Variants in NDUFAF2 observed in about 807,000 individuals in gnomAD.
NDUFAF2 encodes NADH:ubiquinone oxidoreductase complex assembly factor 2, also known as NADH dehydrogenase [ubiquinone] 1 alpha subcomplex assembly factor 2.
NDUFAF2 carries 13 observed loss-of-function variants against 22.8 expected under a neutral mutation model. That is an observed-to-expected ratio of 0.57 (90% CI 0.37 to 0.91). The LOEUF (loss-of-function observed/expected upper bound fraction) is 0.91, where lower values mean the gene tolerates loss of function less well. Among genes scored for constraint, NDUFAF2 ranks in the 40% least tolerant of loss-of-function variants. The pLI, the probability that NDUFAF2 is intolerant of heterozygous loss-of-function variation, is 0.01. For synonymous variants in NDUFAF2, 53 were observed against 64.2 expected, an observed-to-expected ratio of 0.83 and a Z score of 0.84; for missense variants, 162 against 195.2, an observed-to-expected ratio of 0.83 and a Z score of 1.01.
intron 1 of NDUFAF2, among the ~76,000 whole-genome samples, chr5:61,017,732 C>G (rs1195170585): frequency 1.3e-5 from 2 of 151,532 alleles, no homozygotes; most frequent in African/African-American, 4.8e-5. Flanking sequence ...AGGGGAGACC[C>G]TGTCTCTTTG....
At chr5:61,064,723 A>T (rs1262307312) in intron 1 of NDUFAF2, among the ~76,000 whole-genome samples, 1 of 152,136 alleles carries the variant, frequency 6.6e-6, no homozygotes, top group African/African-American at 2.4e-5. Flanking sequence ...CATGGGATGC[A>T]GCAAACGCAT....
At chr5:61,088,512 G>T (rs186720426) in intron 2 of NDUFAF2, among the ~76,000 whole-genome samples, 1 of 152,080 alleles carries the variant, frequency 6.6e-6, no homozygotes, top group Non-Finnish European at 1.5e-5. Context: ...TCTGTCTGTT[G>T]ATTGTGGTGC....
intron 1 of NDUFAF2, among the ~76,000 whole-genome samples, chr5:60,984,176 G>T (rs1751033861): frequency 6.6e-6 from 1 of 152,178 alleles, no homozygotes; most frequent in Non-Finnish European, 1.5e-5. Context: ...GTGAATGGGA[G>T]TTCATTCATG....
intron 1 of NDUFAF2, among the ~76,000 whole-genome samples, chr5:60,949,372 T>G: frequency 6.6e-6 from 1 of 152,226 alleles, no homozygotes; most frequent in East Asian, 1.9e-4. Flanking sequence ...CGTATATCAG[T>G]AGTTTGCTCC....
At chr5:61,136,807 T>C (rs1740968905) in intron 3 of NDUFAF2, among the ~76,000 whole-genome samples, 1 of 152,186 alleles carries the variant, frequency 6.6e-6, no homozygotes, top group South Asian at 2.1e-4. Flanking sequence ...AGTTGTTCCA[T>C]TGAAGAGCAA....
At chr5:60,961,468 G>C (rs973110152) in intron 1 of NDUFAF2, among the ~76,000 whole-genome samples, 1 of 151,930 alleles carries the variant, frequency 6.6e-6, no homozygotes, top group African/African-American at 2.4e-5. Flanking sequence ...GGTGGCGGGT[G>C]CCTGTAGTCC....
rs562971821 is a variant in NDUFAF2 at position 61,092,717 on chromosome 5, A to C, written c.218-6275A>C. ...CCCTTTACTTTTTTTCTCTTGCCTGATTTCCCTGGCCAGAACTTCCTATAC... is the reference window on the plus strand; with the variant it reads ...CCCTTTACTTTTTTTCTCTTGCCTGCTTTCCCTGGCCAGAACTTCCTATAC... On this transcript the variant is annotated intron_variant, in intron 2 of 3. Coordinates refer to ENST00000296597, the MANE Select transcript of NDUFAF2 (RefSeq NM_174889.5). Among the ~76,000 whole-genome samples, 14 of 152,124 alleles carry C rather than the reference A, an allele frequency of 9.2e-5. No homozygotes were observed. The South Asian group carries it at 2.9e-3, about 32-fold the overall frequency.
At chr5:61,090,753 G>A (rs1752556563) in intron 2 of NDUFAF2, among the ~76,000 whole-genome samples, 1 of 151,978 alleles carries the variant, frequency 6.6e-6, no homozygotes, top group African/African-American at 2.4e-5. Context: ...TGTGTGTCTG[G>A]AGATTTTGAT....
At chr5:61,123,108 TCCAGAACACA>T (rs1752995722) in intron 3 of NDUFAF2, among the ~76,000 whole-genome samples, 1 of 152,138 alleles carries the variant, frequency 6.6e-6, no homozygotes, top group South Asian at 2.1e-4. Context: ...AGTGACCAAC[TCCAGAACACA>T]CCTTTTATTT....
At chr5:60,998,936 C>T (rs1383606121) in intron 1 of NDUFAF2, among the ~76,000 whole-genome samples, 1 of 151,750 alleles carries the variant, frequency 6.6e-6, no homozygotes, top group South Asian at 2.1e-4. Context: ...CCAACTTACA[C>T]TTTTAGTATG....
chr5:61,111,661 C>T (rs1752842248), intron 3 of NDUFAF2, among the ~76,000 whole-genome samples: 1 of 151,948 alleles, frequency 6.6e-6, no homozygotes, highest in African/African-American at 2.4e-5. Flanking sequence ...CTCTGTTGCC[C>T]AGGCTGGAGT....
chr5:61,089,101 C>G (rs1296351477), intron 2 of NDUFAF2, among the ~76,000 whole-genome samples: 1 of 152,060 alleles, frequency 6.6e-6, no homozygotes, highest in South Asian at 2.1e-4. Context: ...CTTCTAGTCT[C>G]TTTAAGTGAT....
intron 2 of NDUFAF2, among the ~76,000 whole-genome samples, chr5:61,079,436 A>C (rs114081156): frequency 0.013 from 2,020 of 152,242 alleles, 49 homozygotes; most frequent in African/African-American, 0.046. Context: ...CCTATTTTTC[A>C]TCTATAAAAT....
chr5:61,075,464 C>T (rs1752355638), intron 2 of NDUFAF2, among the ~76,000 whole-genome samples: 2 of 152,148 alleles, frequency 1.3e-5, no homozygotes, highest in African/African-American at 4.8e-5. Flanking sequence ...GTGTTATAAA[C>T]TACATTTACA....
intron 1 of NDUFAF2, among the ~76,000 whole-genome samples, chr5:60,962,451 C>T (rs189098640): frequency 3.3e-5 from 5 of 152,170 alleles, no homozygotes. Context: ...ATAATTTTCT[C>T]ATGAAGCTAT....
At chr5:61,029,868 C>T (rs1751700979) in intron 1 of NDUFAF2, among the ~76,000 whole-genome samples, 1 of 152,156 alleles carries the variant, frequency 6.6e-6, no homozygotes, top group African/African-American at 2.4e-5. Context: ...ATCTTCTTTT[C>T]ACAGTCACCC....
intron 2 of NDUFAF2, among the ~76,000 whole-genome samples, chr5:61,080,847 A>G (rs1349149163): frequency 1.3e-5 from 2 of 152,092 alleles, no homozygotes; most frequent in African/African-American, 4.8e-5. Flanking sequence ...AAGAGCATAC[A>G]TTCTTAATTA....
At chr5:61,021,012 T>G (rs1409234194) in intron 1 of NDUFAF2, among the ~76,000 whole-genome samples, 2 of 136,358 alleles carry the variant, frequency 1.5e-5, no homozygotes, top group Non-Finnish European at 3.2e-5. Context: ...TTTTTTTTTT[T>G]GCTATTTAAA....
intron 1 of NDUFAF2, among the ~76,000 whole-genome samples, chr5:61,018,745 A>G (rs1211759241): frequency 2.6e-5 from 4 of 152,144 alleles, no homozygotes; most frequent in Non-Finnish European, 5.9e-5. Flanking sequence ...TAAGTGACTG[A>G]TAAAAGTAAT....
Sources: allele counts gnomAD v4.1 joint callset (sites outside exome capture counted in the v4.1 genomes callset), GRCh38; gene constraint gnomAD v4.1.1; transcripts MANE v1.5; gene names NCBI Gene and HGNC (gene_info 2026-07-23, HGNC 2026-07-21).